The following QTMAN variants were observed in gnomAD, a reference collection of about 807,000 sequenced individuals.
QTMAN encodes queuosine-tRNA mannosyltransferase.
At chr2:143,997,504 C>T in the QTMAN span, among the ~76,000 whole-genome samples, 19,078 of 152,072 alleles carry the variant, frequency 0.13, 2,056 homozygotes, top group African/African-American at 0.27. Context: ...TGGGCTTATA[C>T]TCCGCTCCTT....
At chr2:143,993,645 A>T in the QTMAN span, among the ~76,000 whole-genome samples, 1 of 152,168 alleles carries the variant, frequency 6.6e-6, no homozygotes, top group Non-Finnish European at 1.5e-5. Context: ...GAGCCTCTGG[A>T]AGGAGTGAGG....
the QTMAN span, among the ~76,000 whole-genome samples, chr2:144,103,532 C>A: frequency 1.3e-5 from 2 of 152,184 alleles, no homozygotes; most frequent in African/African-American, 4.8e-5. Flanking sequence ...TCTAGCCACA[C>A]TGCTACAGTA....
chr2:143,984,287 C>T, the QTMAN span, among the ~76,000 whole-genome samples: 3 of 152,096 alleles, frequency 2.0e-5, no homozygotes, highest in Non-Finnish European at 4.4e-5. Context: ...ATATCAAAAA[C>T]CCTAAATCAC....
At chr2:144,040,517 C>A in the QTMAN span, among the ~76,000 whole-genome samples, 1 of 151,932 alleles carries the variant, frequency 6.6e-6, no homozygotes, top group African/African-American at 2.4e-5. Flanking sequence ...ACTGTGCACA[C>A]GAAAGGGATC....
the QTMAN span, among the ~76,000 whole-genome samples, chr2:144,251,602 A>G: frequency 1.3e-5 from 2 of 152,174 alleles, no homozygotes; most frequent in African/African-American, 4.8e-5. Context: ...AAACCTAAAC[A>G]TAAAACATAA....
the QTMAN span, among the ~76,000 whole-genome samples, chr2:144,051,695 T>C: frequency 6.6e-6 from 1 of 152,156 alleles, no homozygotes; most frequent in African/African-American, 2.4e-5. Flanking sequence ...AAGAGTCGAA[T>C]TGAGAGAGAA....
the QTMAN span, among the ~76,000 whole-genome samples, chr2:144,330,838 G>C: frequency 6.6e-6 from 1 of 152,084 alleles, no homozygotes; most frequent in African/African-American, 2.4e-5. Context: ...AACTGTCTTC[G>C]ATTCTTAATT....
the QTMAN span, among the ~76,000 whole-genome samples, chr2:144,035,824 T>C: frequency 7.8e-4 from 119 of 152,334 alleles, 1 homozygote; most frequent in East Asian, 0.018. Context: ...TTAGAGCATA[T>C]TTACTCTGAA....
At chr2:144,080,915 A>G in the QTMAN span, among the ~76,000 whole-genome samples, 1 of 152,188 alleles carries the variant, frequency 6.6e-6, no homozygotes, top group Non-Finnish European at 1.5e-5. Flanking sequence ...ACAACTGAAA[A>G]TATTTTTGTC....
At chr2:144,273,000 A>G in the QTMAN span, among the ~76,000 whole-genome samples, 1 of 152,304 alleles carries the variant, frequency 6.6e-6, no homozygotes, top group Middle Eastern at 3.4e-3. Flanking sequence ...ATAATTATTT[A>G]AAAACACTAA....
At chr2:144,315,396 T>A in the QTMAN span, among the ~76,000 whole-genome samples, 1 of 152,192 alleles carries the variant, frequency 6.6e-6, no homozygotes, top group African/African-American at 2.4e-5. Context: ...GAAATATCCA[T>A]AAATGTTCCC....
At chr2:144,110,013 G>C in the QTMAN span, among the ~76,000 whole-genome samples, 20 of 152,216 alleles carry the variant, frequency 1.3e-4, no homozygotes, top group South Asian at 8.3e-4. Flanking sequence ...ACTAGAAATA[G>C]CATTTGACCC....
the QTMAN span, among the ~76,000 whole-genome samples, chr2:144,328,799 C>G: frequency 7.2e-5 from 11 of 152,144 alleles, no homozygotes; most frequent in Non-Finnish European, 1.3e-4. Context: ...AAAGACGTCC[C>G]TATGAAAGCT....
the QTMAN span, chr2:144,178,177 G>A: frequency 1.3e-5 from 2 of 152,136 alleles, no homozygotes; most frequent in African/African-American, 4.8e-5. Context: ...TCCTATATTA[G>A]AAGCCTAGGG....
the QTMAN span, among the ~76,000 whole-genome samples, chr2:144,047,728 C>A: frequency 6.6e-6 from 1 of 152,140 alleles, no homozygotes; most frequent in African/African-American, 2.4e-5. Flanking sequence ...CTTATCTATT[C>A]TTACCAGTAC....
At chr2:144,030,043 A>G in the QTMAN span, among the ~76,000 whole-genome samples, 5 of 152,202 alleles carry the variant, frequency 3.3e-5, no homozygotes, top group African/African-American at 1.2e-4. Flanking sequence ...TTCCATGAAT[A>G]TATTTTGTAC....
At chr2:144,301,491 G>A in the QTMAN span, among the ~76,000 whole-genome samples, 1 of 152,272 alleles carries the variant, frequency 6.6e-6, no homozygotes, top group East Asian at 1.9e-4. Context: ...CCAGAGTGCT[G>A]GGATTACAGG....
chr2:143,942,074 G>A, the QTMAN span: 67 of 166,456 alleles, frequency 4.0e-4, no homozygotes, highest in East Asian at 9.6e-4. Context: ...ACATCTTCTC[G>A]CACCCCACCT....
At chr2:143,980,862 T>C in the QTMAN span, among the ~76,000 whole-genome samples, 1 of 152,224 alleles carries the variant, frequency 6.6e-6, no homozygotes, top group Non-Finnish European at 1.5e-5. Flanking sequence ...CTACACTAAC[T>C]AGAAACCATT....
Sources: allele counts gnomAD v4.1 joint callset (sites outside exome capture counted in the v4.1 genomes callset), GRCh38; gene constraint gnomAD v4.1.1; transcripts MANE v1.5; gene names NCBI Gene and HGNC (gene_info 2026-07-23, HGNC 2026-07-21).